Variants in CHLSN observed in about 807,000 individuals in gnomAD.
CHLSN encodes cholesin.
the CHLSN span, among the ~76,000 whole-genome samples, chr7:1,110,832 C>G: frequency 1.3e-5 from 2 of 150,288 alleles, no homozygotes; most frequent in African/African-American, 4.9e-5. Flanking sequence ...AAAGCAAAAA[C>G]CACACACAGG....
At chr7:1,043,371 T>G in the CHLSN span, 1 of 152,276 alleles carries the variant, frequency 6.6e-6, no homozygotes, top group Non-Finnish European at 1.5e-5. Flanking sequence ...TTCTTTTTAG[T>G]AATCCATAAA....
At chr7:1,053,742 G>C in the CHLSN span, among the ~76,000 whole-genome samples, 1 of 152,148 alleles carries the variant, frequency 6.6e-6, no homozygotes, top group African/African-American at 2.4e-5. Context: ...CAGGAGAATC[G>C]CTTGAACCCG....
chr7:1,037,221 T>C, the CHLSN span, among the ~76,000 whole-genome samples: 6 of 142,572 alleles, frequency 4.2e-5, no homozygotes, highest in African/African-American at 1.5e-4. Flanking sequence ...AAAGGAGAAA[T>C]GCCTCCTCCC....
At chr7:1,009,028 C>G in the CHLSN span, among the ~76,000 whole-genome samples, 5 of 86,844 alleles carry the variant, frequency 5.8e-5, no homozygotes, top group Admixed American at 5.6e-4. Flanking sequence ...CACATGCACA[C>G]ACGTACACAC....
At chr7:1,124,745 CA>C in the CHLSN span, among the ~76,000 whole-genome samples, 294 of 122,098 alleles carry the variant, frequency 2.4e-3, 2 homozygotes, top group African/African-American at 5.8e-3. Context: ...TAAAAAAGCA[CA>C]AAAAAAAAAA....
the CHLSN span, among the ~76,000 whole-genome samples, chr7:1,048,689 G>A: frequency 2.0e-5 from 3 of 152,220 alleles, no homozygotes; most frequent in African/African-American, 7.2e-5. Context: ...TAGGAAGAAA[G>A]ATGCCAACGT....
At chr7:1,044,172 T>G in the CHLSN span, among the ~76,000 whole-genome samples, 3 of 152,338 alleles carry the variant, frequency 2.0e-5, no homozygotes, top group Non-Finnish European at 4.4e-5. Context: ...AGGACTAACT[T>G]GCAGCCACTC....
At chr7:1,105,092 A>G in the CHLSN span, among the ~76,000 whole-genome samples, 1 of 152,226 alleles carries the variant, frequency 6.6e-6, no homozygotes. Context: ...TTTATAAAAG[A>G]AAAATAGTTG....
chr7:1,016,968 GC>G, the CHLSN span, among the ~76,000 whole-genome samples: 3 of 97,208 alleles, frequency 3.1e-5, no homozygotes, highest in Admixed American at 1.0e-4. Flanking sequence ...AGCAGCACAC[GC>G]CAGCACACAC....
the CHLSN span, among the ~76,000 whole-genome samples, chr7:1,040,506 A>C: frequency 6.6e-6 from 1 of 152,208 alleles, no homozygotes; most frequent in African/African-American, 2.4e-5. Context: ...AAAACAAAAA[A>C]CAAAACCAAA....
At chr7:987,903 CTG>C in the CHLSN span, among the ~76,000 whole-genome samples, 1 of 144,942 alleles carries the variant, frequency 6.9e-6, no homozygotes. Flanking sequence ...GGGGTCCCCT[CTG>C]TGTGTCCTGG....
chr7:1,090,299 C>T, the CHLSN span, among the ~76,000 whole-genome samples: 1 of 152,212 alleles, frequency 6.6e-6, no homozygotes, highest in African/African-American at 2.4e-5. Flanking sequence ...CCCCCGCATC[C>T]CCAGAGACTG....
the CHLSN span, among the ~76,000 whole-genome samples, chr7:1,004,193 C>A: frequency 2.0e-5 from 3 of 152,130 alleles, no homozygotes; most frequent in Admixed American, 2.0e-4. Flanking sequence ...GGATGGCCGA[C>A]CCGGCCAGCG....
the CHLSN span, among the ~76,000 whole-genome samples, chr7:1,042,125 A>G: frequency 2.6e-5 from 4 of 152,038 alleles, no homozygotes; most frequent in Non-Finnish European, 4.4e-5. Flanking sequence ...CTGCAGAATC[A>G]GGTGCACAAC....
chr7:1,052,005 G>A, the CHLSN span, among the ~76,000 whole-genome samples: 4 of 152,186 alleles, frequency 2.6e-5, no homozygotes, highest in East Asian at 3.9e-4. The surrounding 1 kb of genome is among the most constrained non-coding windows in gnomAD (Gnocchi z 4.2). Context: ...ACAGAAGGAG[G>A]AACAGATGAA....
chr7:1,016,725 A>ACGC, the CHLSN span, among the ~76,000 whole-genome samples: 65 of 125,866 alleles, frequency 5.2e-4, 11 homozygotes, highest in African/African-American at 1.4e-3. Context: ...ACAGCAGCAC[A>ACGC]CAGCAGCACA....
chr7:984,543 C>T, the CHLSN span: 3,407 of 1,558,314 alleles, frequency 2.2e-3, 19 homozygotes, highest in African/African-American at 0.01. Flanking sequence ...GGCCTCCCAT[C>T]GCCATCTTCC....
the CHLSN span, among the ~76,000 whole-genome samples, chr7:1,041,618 T>C: frequency 6.6e-6 from 1 of 152,314 alleles, no homozygotes; most frequent in East Asian, 1.9e-4. Context: ...AGGGTGCGCC[T>C]TATAATCAAC....
chr7:987,089 T>C, the CHLSN span: 1 of 1,506,488 alleles, frequency 6.6e-7, no homozygotes, highest in Non-Finnish European at 8.9e-7. Flanking sequence ...CCACGAGCCC[T>C]GCCCCACGCC....
Sources: allele counts gnomAD v4.1 joint callset (sites outside exome capture counted in the v4.1 genomes callset), GRCh38; gene constraint gnomAD v4.1.1; non-coding constraint Gnocchi (gnomAD v3.1); transcripts MANE v1.5; gene names NCBI Gene and HGNC (gene_info 2026-07-23, HGNC 2026-07-21).